NSMAF: variants seen among roughly 807,000 people sequenced by gnomAD.
NSMAF encodes neutral sphingomyelinase activation associated factor.
A neutral mutation model predicts 134.9 loss-of-function variants in NSMAF; 90 were observed. The ratio of observed to expected loss-of-function variants is 0.67; its 90% CI spans 0.56 to 0.79. The LOEUF (loss-of-function observed/expected upper bound fraction) is 0.79, where lower values mean the gene tolerates loss of function less well. Among genes scored for constraint, NSMAF ranks in the 30% least tolerant of loss-of-function variants. The probability of loss-of-function intolerance (pLI) is 0.00; values close to 1 mark genes in which losing one functional copy is unlikely to be tolerated. For synonymous variants in NSMAF, 358 were observed against 389.6 expected (o/e 0.92, Z 0.96); for missense variants, 1,010 against 1,119.0 (o/e 0.90, Z 1.39).
At chr8:58,608,381 AT>A (rs1414854681) in intron 10 of NSMAF, among the ~76,000 whole-genome samples, 1 of 152,186 alleles carries the variant, frequency 6.6e-6, no homozygotes, top group Non-Finnish European at 1.5e-5. Flanking sequence ...CTTTTCTATA[AT>A]TTTAAAACAC....
At chr8:58,627,059 G>GT (rs950682312) in intron 6 of NSMAF, among the ~76,000 whole-genome samples, 3 of 152,052 alleles carry the variant, frequency 2.0e-5, no homozygotes, top group African/African-American at 4.8e-5. Flanking sequence ...GGGATTATTT[G>GT]TTTTTTGCTT....
chr8:58,597,632 A>T (rs1806169506), intron 20 of NSMAF, 82 bp from the exon 21 acceptor site: 2 of 1,316,544 alleles, frequency 1.5e-6, no homozygotes, highest in African/African-American at 2.9e-5. Flanking sequence ...GTACTGATCA[A>T]TAGGAGGGAC....
At chr8:58,591,662 T>A (rs543909071) in intron 23 of NSMAF, among the ~76,000 whole-genome samples, 3 of 151,928 alleles carry the variant, frequency 2.0e-5, no homozygotes, top group Admixed American at 6.6e-5. Flanking sequence ...AAGTTTTGTA[T>A]TTTTAGTAGA....
chr8:58,651,545 T>C (rs1317854233), intron 1 of NSMAF, among the ~76,000 whole-genome samples: 2 of 152,216 alleles, frequency 1.3e-5, no homozygotes, highest in African/African-American at 4.8e-5. Flanking sequence ...GTCAATTCTA[T>C]TTTCAAGTCC....
At chr8:58,635,682 C>A in intron 2 of NSMAF, 136 bp from the exon 3 acceptor site, 2 of 564,498 alleles carry the variant, frequency 3.5e-6, no homozygotes, top group East Asian at 2.9e-5. Flanking sequence ...AAGAGAACGT[C>A]TCTATTTTTA....
chr8:58,657,169 A>G (rs189230284), intron 1 of NSMAF, among the ~76,000 whole-genome samples: 115 of 152,354 alleles, frequency 7.5e-4, no homozygotes, highest in South Asian at 1.5e-3. Context: ...TAAACCACCA[A>G]TGCAAGAATC....
rs1404856624 is a variant in NSMAF at position 58,659,585 on chromosome 8, T to C, written c.47A>G (p.Tyr16Cys). 4.6e-6 allele frequency: 7 copies of C among 1,515,992 alleles called. No homozygotes were observed. Among genetic ancestry groups the C allele is most frequent in the South Asian group, 1.2e-5 (1 of 80,336 alleles). The allele number at this position is 1,515,992 out of a possible 1,614,324, so 93.9% of individuals were successfully genotyped here. Residue 16 changes from tyrosine to cysteine, a missense_variant, in exon 1 of 31, where the codon TAC becomes TGC. Coordinates refer to ENST00000038176, the MANE Select transcript of NSMAF (RefSeq NM_003580.4). The stretch of plus-strand genomic sequence containing the variant: ...GCTGGGCGCGCACCTCTCCTTGGAG[T>C]AGAGCTGCAGCTGCTGCTCCTGCTG... ...KKQQEQQLQL[Y>C]SKERFSLLLL...
At chr8:58,591,061 G>A in intron 23 of NSMAF, 127 bp from the exon 24 acceptor site, 1 of 1,126,812 alleles carries the variant, frequency 8.9e-7, no homozygotes, top group East Asian at 3.3e-5. Context: ...ATAATCTTAT[G>A]GAAAACCGAA....
rs1453390687 is a variant in NSMAF at position 58,589,537 on chromosome 8, G to GT, written c.2125dup (p.Thr709AsnfsTer6). 7.6e-6 allele frequency: 12 copies of GT among 1,571,060 alleles called. No homozygotes were observed. The East Asian group carries it at 2.8e-4, about 37-fold the overall frequency. The stretch of plus-strand genomic sequence containing the variant: ...AACAGCATCATCATGTCCCATTAAC[G>GT]TGTCCTGGCGTCTTCCAAATGCTAT... On this transcript the variant is annotated frameshift_variant, in exon 26 of 31. Coordinates refer to ENST00000038176, the MANE Select transcript of NSMAF (RefSeq NM_003580.4). LOFTEE classifies it high-confidence loss of function.
At chr8:58,599,177 A>C (rs1192965442) in intron 19 of NSMAF, 55 bp downstream of exon 19, 1 of 1,523,050 alleles carries the variant, frequency 6.6e-7, no homozygotes, top group Non-Finnish European at 8.9e-7. Flanking sequence ...AATGAAAATG[A>C]ATAATGCTAA....
chr8:58,603,677 T>C (rs947415329), intron 12 of NSMAF, among the ~76,000 whole-genome samples: 7 of 152,152 alleles, frequency 4.6e-5, no homozygotes, highest in African/African-American at 1.7e-4. Flanking sequence ...AAATATTACA[T>C]GTTAATAGGT....
Position 58,590,888 on chromosome 8 carries a change from T to A in NSMAF, c.1998A>T (p.Arg666Ser). The A allele has an allele frequency of 1.3e-6, 2 of 1,563,674 alleles. No homozygotes were observed. Among genetic ancestry groups the A allele is most frequent in the Non-Finnish European group, 1.8e-6 (2 of 1,141,778 alleles). Residue 666 changes from arginine (R) to serine (S), a missense_variant, in exon 24 of 31, where the codon AGA becomes AGT. Coordinates refer to ENST00000038176, the MANE Select transcript of NSMAF (RefSeq NM_003580.4). The stretch of plus-strand genomic sequence containing the variant: ...TCACCATATTTGAAAATGATATACT[T>A]CTTTGTAGCATTTTTGATTCTTTAG... ...MFSKESKMLQ[R>S]SISFSNMALS...
chr8:58,588,172 G>C (rs957374795), intron 26 of NSMAF, among the ~76,000 whole-genome samples: 1 of 152,070 alleles, frequency 6.6e-6, no homozygotes, highest in African/African-American at 2.4e-5. Flanking sequence ...ACACAAAATA[G>C]AAACTGAAAA....
chr8:58,640,062 C>T, intron 2 of NSMAF: 1 of 455,474 alleles, frequency 2.2e-6, no homozygotes, highest in South Asian at 1.6e-5. Context: ...TGGGGAGATG[C>T]TGGGCAAAGT....
chr8:58,598,054 T>G, intron 19 of NSMAF, 152 bp from the exon 20 acceptor site: 3 of 582,100 alleles, frequency 5.2e-6, no homozygotes, highest in Non-Finnish European at 9.3e-6. Flanking sequence ...CTGCAGTAAA[T>G]ACCAACTTGA....
chr8:58,593,092 A>T (rs558423559), intron 23 of NSMAF, among the ~76,000 whole-genome samples: 59 of 152,350 alleles, frequency 3.9e-4, no homozygotes, highest in Admixed American at 1.8e-3. Context: ...TCCTGCTAAG[A>T]ACACAGGTTT....
chr8:58,585,554 G>GT, intron 30 of NSMAF, 98 bp downstream of exon 30: 2 of 852,270 alleles, frequency 2.3e-6, no homozygotes, highest in Non-Finnish European at 3.8e-6. Flanking sequence ...AACCATGGGT[G>GT]TTTTTTGCCC....
At chr8:58,645,939 G>C (rs969634623) in intron 1 of NSMAF, among the ~76,000 whole-genome samples, 5 of 152,170 alleles carry the variant, frequency 3.3e-5, no homozygotes, top group Admixed American at 6.5e-5. Context: ...TACTCGGGAG[G>C]CTGAGGCAGG....
Position 58,594,147 on chromosome 8 carries a change from G to A in NSMAF, c.1951+85C>T, listed in dbSNP as rs1053928746. ...TTATGTGGAGGCAGCACATGCAAGT[G>A]CAGTCCTTGACCACGAGCTAAATAA... On this transcript the variant is annotated intron_variant, in intron 23 of 30. Transcript: ENST00000038176. 42 of 1,105,236 alleles carry A rather than the reference G, an allele frequency of 3.8e-5. No homozygotes were observed. In the African/African-American group the frequency reaches 6.3e-4, roughly 17 times the overall value. The allele number at this position is 1,105,236 out of a possible 1,614,324, so 68.5% of individuals were successfully genotyped here.
Sources: gnomAD v4.1 joint callset for allele counts (sites outside exome capture counted in the v4.1 genomes callset) on GRCh38, gnomAD v4.1.1 for gene constraint, MANE v1.5 for transcripts, NCBI Gene and HGNC (gene_info 2026-07-23, HGNC 2026-07-21) for gene names.